Variants in PCDHA4 observed in about 807,000 individuals in gnomAD.
The protein encoded by PCDHA4 is protocadherin alpha-4.
A neutral mutation model predicts 61.4 loss-of-function variants in PCDHA4; 49 were observed. That is an observed-to-expected ratio of 0.80 (90% CI 0.63 to 1.01). PCDHA4 has a LOEUF of 1.01. Among genes scored for constraint, PCDHA4 ranks in the 50% least tolerant of loss-of-function variants. PCDHA4 has a pLI of 0.00. For synonymous variants in PCDHA4, 590 were observed against 550.3 expected, an observed-to-expected ratio of 1.07 and a Z score of -1.01; for missense variants, 1,254 against 1,235.8, an observed-to-expected ratio of 1.01 and a Z score of -0.22.
intron 1 of PCDHA4, among the ~76,000 whole-genome samples, chr5:140,964,379 C>T (rs2095828218): frequency 6.6e-6 from 1 of 152,130 alleles, no homozygotes; most frequent in Non-Finnish European, 1.5e-5. Flanking sequence ...AAAGGAGAGT[C>T]CTGGTTTTTC....
intron 1 of PCDHA4, chr5:140,814,724 T>C (rs1224859908): frequency 6.6e-6 from 1 of 152,222 alleles, no homozygotes; most frequent in Non-Finnish European, 1.5e-5. Flanking sequence ...TAGGAATTTT[T>C]CAGCTCCATT....
chr5:140,877,476 G>T (rs1554169787), intron 1 of PCDHA4: 2 of 1,613,870 alleles, frequency 1.2e-6, no homozygotes, highest in South Asian at 1.1e-5. Flanking sequence ...TGCTGGTGTC[G>T]CTGGTGGAGA....
In PCDHA4 at chr5:140,968,167, A is replaced by G. The variant is rs782252124; in HGVS notation, c.2386-10782A>G. 1.3e-4 allele frequency: 217 copies of G among 1,613,958 alleles called. 1 individual carries two copies. The highest frequency in any genetic ancestry group is 9.3e-6 in the Non-Finnish European group (11 of 1,180,038). On this transcript the variant is annotated intron_variant, in intron 1 of 3. Transcript: ENST00000530339. ...TCTCTGACATCAATGACAATCCACC[A>G]AGCTTCCTGGAGGACTCCTATTCCA...
intron 1 of PCDHA4, chr5:140,834,498 G>A (rs2150219814): frequency 6.2e-7 from 1 of 1,614,130 alleles, no homozygotes; most frequent in East Asian, 2.2e-5. Flanking sequence ...CCCCGAGGAG[G>A]CTAAACATGG....
intron 3 of PCDHA4, among the ~76,000 whole-genome samples, chr5:141,000,018 A>G (rs2097889437): frequency 6.6e-6 from 1 of 152,038 alleles, no homozygotes; most frequent in East Asian, 1.9e-4. Flanking sequence ...CCCCATTGCT[A>G]AGCCTGACAT....
chr5:140,846,023 G>A lies in PCDHA4; in HGVS notation c.2385+36451G>A, dbSNP rs190415681. Among the ~76,000 whole-genome samples, 29 of 149,662 alleles carry A rather than the reference G, an allele frequency of 1.9e-4. No homozygotes were observed. The East Asian group carries it at 5.2e-3, about 27-fold the overall frequency. ...ATGAAAAAAATCTAAAAGTTATTACGAGTTTAGGAAAGTCAAGTTAACACC... is the reference window on the plus strand; with the variant it reads ...ATGAAAAAAATCTAAAAGTTATTACAAGTTTAGGAAAGTCAAGTTAACACC... On this transcript the variant is annotated intron_variant, in intron 1 of 3. Transcript: ENST00000530339.
In PCDHA4 at chr5:140,952,512, CATCT is replaced by C. The variant is rs2094757607; in HGVS notation, c.2386-26436_2386-26433del. ...CAGTCCTCAGTAAGTTCCTCATCTC[CATCT>C]GAGACCTCCTCAGACTGGACTTCTT... On this transcript the variant is annotated intron_variant, in intron 1 of 3. Coordinates refer to ENST00000530339, the MANE Select transcript of PCDHA4 (RefSeq NM_018907.4). 2.0e-5 allele frequency among the ~76,000 whole-genome samples: 3 copies of C among 152,242 alleles called. No individual in the cohort carries two copies. The South Asian group carries it at 6.2e-4, about 32-fold the overall frequency.
intron 1 of PCDHA4, among the ~76,000 whole-genome samples, chr5:140,957,264 A>G (rs1554222901): frequency 1.3e-5 from 2 of 152,198 alleles, no homozygotes; most frequent in African/African-American, 2.4e-5. Flanking sequence ...ATATGTAAGC[A>G]CTAGTCCCCC....
intron 1 of PCDHA4, chr5:140,966,695 C>G: frequency 7.4e-7 from 1 of 1,358,486 alleles, no homozygotes; most frequent in Non-Finnish European, 9.5e-7. Flanking sequence ...AGGCGGGGCC[C>G]GGGCGTGGGG....
At chr5:140,817,990 C>T (rs1344899223) in intron 1 of PCDHA4, among the ~76,000 whole-genome samples, 4 of 152,120 alleles carry the variant, frequency 2.6e-5, no homozygotes, top group Non-Finnish European at 5.9e-5. Flanking sequence ...ACTTTGTATA[C>T]TTACTCTGTT....
At position 140,856,588 on chromosome 5, in the gene PCDHA4, T is replaced by C. The variant is rs201362862; in HGVS notation, c.2385+47016T>C. The C allele has an allele frequency of 5.2e-5, 83 of 1,597,798 alleles. 1 individual carries two copies. In the East Asian group the frequency reaches 1.3e-3, roughly 25 times the overall value. ...GTCCAAATGAGTATTTTGTTCTTGA[T>C]ATTATAAACAAAAAAGACAAAGACA... On this transcript the variant is annotated intron_variant, in intron 1 of 3. Coordinates refer to ENST00000530339, the MANE Select transcript of PCDHA4 (RefSeq NM_018907.4).
At chr5:140,873,210 A>G (rs1372631390) in intron 1 of PCDHA4, among the ~76,000 whole-genome samples, 2 of 152,208 alleles carry the variant, frequency 1.3e-5, no homozygotes, top group African/African-American at 4.8e-5. Flanking sequence ...TTCTTTAAGT[A>G]TTAAAGAGAA....
At chr5:140,834,771 C>T (rs2150226115) in intron 1 of PCDHA4, 18 of 1,613,874 alleles carry the variant, frequency 1.1e-5, no homozygotes, top group Middle Eastern at 3.3e-4. Flanking sequence ...TAACGACAAC[C>T]CTCCGGTGTT....
intron 1 of PCDHA4, among the ~76,000 whole-genome samples, chr5:140,846,820 A>G (rs1780694955): frequency 6.7e-6 from 1 of 149,706 alleles, no homozygotes; most frequent in Non-Finnish European, 1.5e-5. Flanking sequence ...TTTGAGGTCA[A>G]ATAAAGAATA....
At chr5:140,985,557 G>A (rs1190905215) in intron 3 of PCDHA4, among the ~76,000 whole-genome samples, 1 of 152,118 alleles carries the variant, frequency 6.6e-6, no homozygotes, top group East Asian at 1.9e-4. Context: ...GCTTCCAAAA[G>A]GCTTCTTTCT....
rs2098416866 is a variant in PCDHA4, at chr5:141,010,297, G to C, written c.*360G>C. 3 of 1,549,050 alleles carry C rather than the reference G, an allele frequency of 1.9e-6. No individual in the cohort carries two copies. The South Asian group carries it at 3.6e-5, about 19-fold the overall frequency. On this transcript the variant is annotated 3_prime_UTR_variant, in exon 4 of 4. Transcript: ENST00000530339. ...TGTCTTGATGACACTTGCAGGGCAGGCTGAAAAGTTTTGAGATTGAGCAGC... is the reference window on the plus strand; with the variant it reads ...TGTCTTGATGACACTTGCAGGGCAGCCTGAAAAGTTTTGAGATTGAGCAGC...
At chr5:140,979,067 A>C (rs1938790025) in intron 2 of PCDHA4, 60 bp downstream of exon 2, 1 of 1,601,882 alleles carries the variant, frequency 6.2e-7, no homozygotes, top group Non-Finnish European at 8.5e-7. Flanking sequence ...GCTCAGATAA[A>C]CTGCATCTCC....
chr5:140,877,044 C>G (rs2056811009), intron 1 of PCDHA4: 2 of 1,612,634 alleles, frequency 1.2e-6, no homozygotes, highest in Non-Finnish European at 1.7e-6. Context: ...AGCCGCTAGA[C>G]CACGAGGAGC....
chr5:140,829,693 G>A, intron 1 of PCDHA4: 1 of 1,613,366 alleles, frequency 6.2e-7, no homozygotes, highest in Non-Finnish European at 8.5e-7. Context: ...TGCAGTTTCA[G>A]GTGAGCGCGC....
Sources: gnomAD v4.1 joint callset for allele counts (sites outside exome capture counted in the v4.1 genomes callset) on GRCh38, gnomAD v4.1.1 for gene constraint, MANE v1.5 for transcripts, NCBI Gene and HGNC (gene_info 2026-07-23, HGNC 2026-07-21) for gene names.